Variants in ZBTB10 observed in about 807,000 individuals in gnomAD.
ZBTB10 encodes the protein zinc finger and BTB domain-containing protein 10.
A neutral mutation model predicts 76.4 loss-of-function variants in ZBTB10; 32 were observed. The observed-to-expected ratio is 0.42, with a 90% CI of 0.32 to 0.56. The LOEUF is 0.56. Among genes scored for constraint, ZBTB10 ranks in the 20% least tolerant of loss-of-function variants. The pLI, the probability that ZBTB10 is intolerant of heterozygous loss-of-function variation, is 0.14. For synonymous variants in ZBTB10, 523 were observed against 432.9 expected, an observed-to-expected ratio of 1.21 and a Z score of -2.58; for missense variants, 1,057 against 1,098.5, an observed-to-expected ratio of 0.96 and a Z score of 0.53.
Position 80,524,752 on chromosome 8 carries a change from GTCATGATTGGGA to G in ZBTB10, c.*5225_*5236del, listed in dbSNP as rs1816517183. 2 of 152,170 alleles carry G rather than the reference GTCATGATTGGGA, an allele frequency of 1.3e-5. No individual in the cohort carries two copies. Among genetic ancestry groups the G allele is most frequent in the African/African-American group, 4.8e-5 (2 of 41,560 alleles). The allele number at this position is 152,170 out of a possible 1,614,324, so 9.4% of individuals were successfully genotyped here. ...AAGAAACTTTATATGTTTCTAAGGG[GTCATGATTGGGA>G]CCATTGGCTCAAGATTGAAAATCGG... On this transcript the variant is annotated 3_prime_UTR_variant, in exon 6 of 6. Coordinates refer to ENST00000455036, the MANE Select transcript of ZBTB10 (RefSeq NM_001105539.3).
chr8:80,506,013 C>T (rs937273503), intron 2 of ZBTB10, among the ~76,000 whole-genome samples: 1 of 151,256 alleles, frequency 6.6e-6, no homozygotes, highest in African/African-American at 2.4e-5. Flanking sequence ...GCCTCACTTC[C>T]CAAAGTGCTG....
In ZBTB10 at chr8:80,518,759, TTC is replaced by T. The variant is rs756072513; in HGVS notation, c.2138-19_2138-18del. 3 of 1,587,284 alleles carry T rather than the reference TTC, an allele frequency of 1.9e-6. No individual in the cohort carries two copies. The South Asian group carries it at 3.5e-5, about 19-fold the overall frequency. The stretch of plus-strand genomic sequence containing the variant: ...TTCTGTTTAATGTGTAATAAGCACT[TTC>T]TCTTTTTTTAATTCTCATAGGTGAA... On this transcript the variant is annotated intron_variant, in intron 4 of 5. Coordinates refer to ENST00000455036, the MANE Select transcript of ZBTB10 (RefSeq NM_001105539.3).
intron 1 of ZBTB10, among the ~76,000 whole-genome samples, chr8:80,490,442 G>T (rs1217595243): frequency 6.6e-6 from 1 of 151,940 alleles, no homozygotes; most frequent in African/African-American, 2.4e-5. Context: ...TCGCTATGTT[G>T]CCCAGGCTGG....
intron 2 of ZBTB10, 48 bp from the exon 3 acceptor site, chr8:80,513,860 GGT>G: frequency 6.9e-7 from 1 of 1,439,474 alleles, no homozygotes; most frequent in Non-Finnish European, 9.7e-7. Context: ...TGTTTTGGGT[GGT>G]GGCTATGGTG....
Position 80,487,369 on chromosome 8 carries a change from G to T in ZBTB10, c.559G>T (p.Glu187Ter). The T allele has an allele frequency of 6.5e-7, 1 of 1,528,800 alleles. No individual in the cohort carries two copies. The highest frequency in any genetic ancestry group is 8.8e-7 in the Non-Finnish European group (1 of 1,134,952). 94.7% of individuals were successfully genotyped at this position (1,528,800 alleles called of 1,614,324 possible). A position where few individuals can be genotyped will look rare whatever the true frequency, so the allele number is the denominator to read the frequency against. Residue 187 changes from glutamate (E) to a stop codon, truncating the protein, a stop_gained, in exon 1 of 6, where the codon GAG becomes TAG. Coordinates refer to ENST00000455036, the MANE Select transcript of ZBTB10 (RefSeq NM_001105539.3). LOFTEE classifies it high-confidence loss of function. The stretch of plus-strand genomic sequence containing the variant: ...GTCCCTGAGCGACAGCACCGAGGAC[G>T]AGGAGGAGGGGGCGAGCCTGGGCGA... ...GASLSDSTEDEEEGASLGDGS... is the reference protein window; with the variant it reads ...GASLSDSTED
intron 4 of ZBTB10, 29 bp downstream of exon 4, chr8:80,518,608 GAATT>G (rs1318661244): frequency 2.0e-6 from 3 of 1,524,950 alleles, no homozygotes; most frequent in East Asian, 4.9e-5. Context: ...AACAAATACA[GAATT>G]AATTAAATAA....
intron 1 of ZBTB10, among the ~76,000 whole-genome samples, chr8:80,491,334 G>A (rs907553873): frequency 1.2e-4 from 18 of 152,178 alleles, no homozygotes. Flanking sequence ...ATATAGCCTA[G>A]GTGTGTAGTA....
At chr8:80,491,844 C>G (rs759156343) in intron 1 of ZBTB10, among the ~76,000 whole-genome samples, 8 of 152,222 alleles carry the variant, frequency 5.3e-5, no homozygotes, top group African/African-American at 7.2e-5. Flanking sequence ...ATCCTGTCAA[C>G]TCTTCCTGGG....
intron 2 of ZBTB10, among the ~76,000 whole-genome samples, chr8:80,506,580 G>A (rs1382542399): frequency 1.4e-4 from 5 of 35,416 alleles, no homozygotes; most frequent in Admixed American, 5.4e-4. Context: ...CCCAACCCCC[G>A]CCTCAGCCTC....
chr8:80,515,681 C>T (rs1195729902), intron 3 of ZBTB10, among the ~76,000 whole-genome samples: 1 of 152,002 alleles, frequency 6.6e-6, no homozygotes, highest in Non-Finnish European at 1.5e-5. Flanking sequence ...AGGGTTATTC[C>T]TCTTAAAGGG....
In ZBTB10 at chr8:80,518,503, G is replaced by A. The variant is rs1225041913; in HGVS notation, c.2061G>A (p.Leu687=). ...CTTCAAATGATTTCAAGTATGGATT[G>A]ATACCAGGTGCTTCAAATGATTTCA... ...PGTSNDFKYG[L]IPGASNDFKY... The change falls in exon 4 of 6, where the codon TTG becomes TTA. Residue 687 remains leucine, a synonymous_variant. Transcript: ENST00000455036. The A allele has an allele frequency of 1.9e-6, 3 of 1,553,250 alleles. No homozygotes were observed. The highest frequency in any genetic ancestry group is 1.7e-6 in the Non-Finnish European group (2 of 1,147,906).
chr8:80,505,806 A>G (rs1304990436), intron 2 of ZBTB10, among the ~76,000 whole-genome samples: 5 of 151,990 alleles, frequency 3.3e-5, no homozygotes, highest in African/African-American at 9.7e-5. Context: ...CATGGCTTAC[A>G]GAAACCTCAA....
chr8:80,514,760 AAGTGATTAAACTT>A (rs147247623), intron 3 of ZBTB10, among the ~76,000 whole-genome samples: 9,837 of 152,280 alleles, frequency 0.065, 333 homozygotes, highest in African/African-American at 0.093. Context: ...TGTCATAACT[AAGTGATTAAACTT>A]AGTGCCATTA....
chr8:80,486,340 C>G lies in ZBTB10; in HGVS notation c.-471C>G. On this transcript the variant is annotated 5_prime_UTR_variant, in exon 1 of 6. Coordinates refer to ENST00000455036, the MANE Select transcript of ZBTB10 (RefSeq NM_001105539.3). ...TTTAGCGTGCCTCTCACCCTCAGCG[C>G]CTGCGAAGCCGGCGGCGGCGTCGGG... 5 of 989,258 alleles carry G rather than the reference C, an allele frequency of 5.1e-6. No individual in the cohort carries two copies. Among genetic ancestry groups the G allele is most frequent in the Non-Finnish European group, 6.0e-6 (5 of 832,834 alleles). 61.3% of individuals were successfully genotyped at this position (989,258 alleles called of 1,614,324 possible). A position where few individuals can be genotyped will look rare whatever the true frequency, so the allele number is the denominator to read the frequency against.
intron 2 of ZBTB10, among the ~76,000 whole-genome samples, chr8:80,505,915 A>ATTTT (rs58176444): frequency 7.6e-6 from 1 of 131,970 alleles, no homozygotes. Flanking sequence ...TGCCTGGCTA[A>ATTTT]TTTTTTTTTT....
chr8:80,510,663 T>G (rs949700171), intron 2 of ZBTB10, among the ~76,000 whole-genome samples: 15 of 151,930 alleles, frequency 9.9e-5, no homozygotes, highest in African/African-American at 3.6e-4. Context: ...TGTGTGTGTG[T>G]GTGTGTGTGT....
chr8:80,518,072 G>A (rs1476507522), intron 3 of ZBTB10, among the ~76,000 whole-genome samples: 1 of 151,620 alleles, frequency 6.6e-6, no homozygotes, highest in African/African-American at 2.4e-5. Flanking sequence ...TCTCCATGTT[G>A]CCCAGGCTGG....
At chr8:80,485,867 G>C, upstream of ZBTB10, 1 of 1,535,678 alleles carries the variant, frequency 6.5e-7, no homozygotes, top group East Asian at 2.4e-5. Flanking sequence ...GAAAATGCGC[G>C]TCCCGGGCGC....
Position 80,513,688 on chromosome 8 carries a change from G to A in ZBTB10, c.1862-222G>A, listed in dbSNP as rs74684464. Among the ~76,000 whole-genome samples the A allele has an allele frequency of 4.4e-3, 676 of 152,236 alleles. 5 individuals are homozygous for A. Among genetic ancestry groups the A allele is most frequent in the Non-Finnish European group, 8.0e-3 (543 of 68,020 alleles). On this transcript the variant is annotated intron_variant, in intron 2 of 5. Transcript: ENST00000455036. ...ATAGCCTGTAACAGAAACAGGAGTG[G>A]CACCTAATTTACCCTGGTTCTACAG...
Sources: gnomAD v4.1 joint callset for allele counts (sites outside exome capture counted in the v4.1 genomes callset) on GRCh38, gnomAD v4.1.1 for gene constraint, MANE v1.5 for transcripts, NCBI Gene and HGNC (gene_info 2026-07-23, HGNC 2026-07-21) for gene names.